The following LRP2 variants were observed in gnomAD, a reference collection of about 807,000 sequenced individuals.
LRP2 encodes low-density lipoprotein receptor-related protein 2.
LRP2 carries 172 observed loss-of-function variants against 531.0 expected under a neutral mutation model. The observed-to-expected ratio is 0.32, with a 90% confidence interval of 0.29 to 0.37. LRP2 has a LOEUF of 0.37. LRP2 is among the 10% of genes least tolerant of loss of function. The pLI, the probability that LRP2 is intolerant of heterozygous loss-of-function variation, is 1.00. For missense variants in LRP2, 5,167 were observed against 5,868.3 expected (o/e 0.88, Z 3.90); for synonymous variants, 1,992 against 2,027.6 (o/e 0.98, Z 0.47).
intron 16 of LRP2, among the ~76,000 whole-genome samples, chr2:169,269,267 T>G (rs1044559586): frequency 1.3e-5 from 2 of 152,090 alleles, no homozygotes; most frequent in Non-Finnish European, 2.9e-5. Flanking sequence ...AAAGTTCATA[T>G]GGAACCAAAA....
intron 67 of LRP2, among the ~76,000 whole-genome samples, chr2:169,151,504 G>A (rs968533014): frequency 6.6e-6 from 1 of 152,104 alleles, no homozygotes; most frequent in Non-Finnish European, 1.5e-5. Flanking sequence ...GACTGCCCAT[G>A]AGTCTGTTTC....
chr2:169,332,911 G>A (rs557754914), intron 1 of LRP2, among the ~76,000 whole-genome samples: 42 of 152,202 alleles, frequency 2.8e-4, no homozygotes, highest in African/African-American at 8.9e-4. Flanking sequence ...CAGTTCATTC[G>A]TTAGATGAAT....
chr2:169,168,736 C>A, intron 60 of LRP2, 60 bp from the exon 61 acceptor site: 1 of 1,582,158 alleles, frequency 6.3e-7, no homozygotes, highest in Non-Finnish European at 8.7e-7. Flanking sequence ...TTTGGGGAAG[C>A]TTCCTGCTAT....
At chr2:169,340,135 G>A (rs1280033925) in intron 1 of LRP2, among the ~76,000 whole-genome samples, 3 of 151,956 alleles carry the variant, frequency 2.0e-5, no homozygotes, top group Non-Finnish European at 4.4e-5. Context: ...TCAAATATTT[G>A]GAGAGCTAAC....
chr2:169,306,501 T>C (rs1684423919), intron 4 of LRP2, among the ~76,000 whole-genome samples: 1 of 152,002 alleles, frequency 6.6e-6, no homozygotes, highest in South Asian at 2.1e-4. Context: ...GCCATCACAC[T>C]CAGCCTGGGC....
At chr2:169,197,062 G>T in intron 45 of LRP2, 32 bp from the exon 46 acceptor site, 1 of 1,611,796 alleles carries the variant, frequency 6.2e-7, no homozygotes. Context: ...AAACCCATGA[G>T]CAAAACACAA....
intron 4 of LRP2, among the ~76,000 whole-genome samples, chr2:169,296,655 C>G (rs991233416): frequency 2.6e-5 from 4 of 151,978 alleles, no homozygotes; most frequent in Non-Finnish European, 5.9e-5. Context: ...TGGGCTTGAA[C>G]GGTGGCTACT....
rs373509240 is a variant in LRP2, at chr2:169,263,541, A to G, written c.2321-4324T>C. Among the ~76,000 whole-genome samples the G allele has an allele frequency of 2.7e-5, 4 of 150,448 alleles. No homozygotes were observed. The East Asian group carries it at 7.7e-4, about 29-fold the overall frequency. ...CAGAGAAATGCAAATCAAAACCACAATGAGATACCATTTCACACCAGTTAG... is the reference window on the plus strand; with the variant it reads ...CAGAGAAATGCAAATCAAAACCACAGTGAGATACCATTTCACACCAGTTAG... On this transcript the variant is annotated intron_variant, in intron 16 of 78. Transcript: ENST00000649046.
intron 11 of LRP2, 61 bp from the exon 12 acceptor site, chr2:169,279,656 G>GA: frequency 9.3e-7 from 1 of 1,076,098 alleles, no homozygotes; most frequent in South Asian, 1.3e-5. Context: ...GGTTTGTTTT[G>GA]ATTTTTTTTA....
intron 4 of LRP2, among the ~76,000 whole-genome samples, chr2:169,301,740 C>T (rs1042015812): frequency 1.3e-5 from 2 of 152,098 alleles, no homozygotes. Context: ...GCCTGCCTCC[C>T]TGAGAGGACT....
At chr2:169,353,887 G>A (rs1004051063) in intron 1 of LRP2, among the ~76,000 whole-genome samples, 1 of 152,126 alleles carries the variant, frequency 6.6e-6, no homozygotes, top group Non-Finnish European at 1.5e-5. Flanking sequence ...GCTTCTTGTG[G>A]GGTTAAGCGG....
At chr2:169,328,933 G>T (rs1472271781) in intron 1 of LRP2, among the ~76,000 whole-genome samples, 2 of 152,188 alleles carry the variant, frequency 1.3e-5, no homozygotes, top group Admixed American at 6.5e-5. Flanking sequence ...ACAGCTTTGT[G>T]AGATGGTATC....
chr2:169,273,195 ATTACTACTGG>A, intron 14 of LRP2, 128 bp from the exon 15 acceptor site: 2 of 1,056,124 alleles, frequency 1.9e-6, no homozygotes, highest in Non-Finnish European at 2.9e-6. Flanking sequence ...TGTTGAAAAC[ATTACTACTGG>A]TTACTACTGG....
intron 58 of LRP2, among the ~76,000 whole-genome samples, chr2:169,170,972 G>T (rs182396939): frequency 1.2e-4 from 15 of 122,042 alleles, no homozygotes; most frequent in Admixed American, 1.1e-3. Flanking sequence ...CATTGCCCAG[G>T]CTGACTTTGA....
intron 11 of LRP2, 29 bp downstream of exon 11, chr2:169,280,321 T>G: frequency 6.2e-7 from 1 of 1,613,498 alleles, no homozygotes; most frequent in Non-Finnish European, 8.5e-7. Context: ...TGCTCAGGGT[T>G]CCATTCAGCT....
At chr2:169,160,952 A>C (rs1686563919) in intron 63 of LRP2, among the ~76,000 whole-genome samples, 1 of 152,258 alleles carries the variant, frequency 6.6e-6, no homozygotes, top group African/African-American at 2.4e-5. Context: ...ACGCAGGAGA[A>C]AAATTGATAG....
chr2:169,243,660 T>A, intron 22 of LRP2, 138 bp from the exon 23 acceptor site: 1 of 983,788 alleles, frequency 1.0e-6, no homozygotes, highest in South Asian at 1.3e-5. Context: ...TCAGCCACAC[T>A]ATCAAAGTCA....
At chr2:169,182,366 TG>T in intron 50 of LRP2, 47 bp from the exon 51 acceptor site, 1 of 1,608,300 alleles carries the variant, frequency 6.2e-7, no homozygotes, top group South Asian at 1.1e-5. Context: ...CTTTGTGAAA[TG>T]GTACATATTT....
At position 169,201,961 on chromosome 2, in the gene LRP2, T is replaced by C. The variant is rs187465967; in HGVS notation, c.8210-91A>G. On this transcript the variant is annotated intron_variant, in intron 43 of 78. Transcript: ENST00000649046. ...ATACAATTAAATAAAAGAGACACTT[T>C]GAATTTACCTTCCAAGGCAAAAAAC... 2.9e-5 allele frequency: 45 copies of C among 1,526,388 alleles called. No homozygotes were observed. In the African/African-American group the frequency reaches 4.2e-4, roughly 14 times the overall value. 94.6% of individuals were successfully genotyped at this position (1,526,388 alleles called of 1,614,324 possible).
Sources: allele counts gnomAD v4.1 joint callset (sites outside exome capture counted in the v4.1 genomes callset), GRCh38; gene constraint gnomAD v4.1.1; transcripts MANE v1.5; gene names NCBI Gene and HGNC (gene_info 2026-07-23, HGNC 2026-07-21).